Variants in DSCAML1 observed in about 807,000 individuals in gnomAD.
The protein encoded by DSCAML1 is cell adhesion molecule DSCAML1.
DSCAML1 carries 38 observed loss-of-function variants against 200.5 expected under a neutral mutation model. That is an observed-to-expected ratio of 0.19 (90% CI 0.15 to 0.25). DSCAML1 has a LOEUF of 0.25. DSCAML1 is among the 10% of genes least tolerant of loss of function. The probability of loss-of-function intolerance (pLI) is 1.00; values close to 1 mark genes in which losing one functional copy is unlikely to be tolerated. For synonymous variants in DSCAML1, 1,215 were observed against 1,165.0 expected (o/e 1.04, Z -0.87); for missense variants, 2,223 against 2,858.8 (o/e 0.78, Z 5.07).
chr11:117,659,196 CTTAAT>C (rs781112693), intron 3 of DSCAML1, among the ~76,000 whole-genome samples: 75 of 152,296 alleles, frequency 4.9e-4, no homozygotes, highest in South Asian at 2.1e-3. Flanking sequence ...TTCTTTTGTG[CTTAAT>C]TTATTTTCCC....
In DSCAML1 at chr11:117,502,537, A is replaced by C. The variant is rs1592672217; in HGVS notation, c.2359+1308T>G. On this transcript the variant is annotated intron_variant, in intron 11 of 32. Coordinates refer to ENST00000651296, the MANE Select transcript of DSCAML1 (RefSeq NM_020693.4). ...CCCCAGGGCGGGGATTCCGGCTCGGAGCTCCCTGAGCATCGATCGCTGGGG... is the reference window on the plus strand; with the variant it reads ...CCCCAGGGCGGGGATTCCGGCTCGGCGCTCCCTGAGCATCGATCGCTGGGG... Among the ~76,000 whole-genome samples, 3 of 152,222 alleles carry C rather than the reference A, an allele frequency of 2.0e-5. No individual in the cohort carries two copies. In the South Asian group the frequency reaches 6.2e-4, roughly 32 times the overall value.
intron 3 of DSCAML1, among the ~76,000 whole-genome samples, chr11:117,716,233 A>G (rs1031545227): frequency 3.9e-5 from 6 of 152,198 alleles, no homozygotes; most frequent in Non-Finnish European, 7.3e-5. Context: ...GATAAAGTGA[A>G]AGGATCTGTC....
chr11:117,546,304 C>T (rs544330461), intron 3 of DSCAML1, among the ~76,000 whole-genome samples: 38 of 152,306 alleles, frequency 2.5e-4, no homozygotes, highest in African/African-American at 6.7e-4. Context: ...AGCTGGATGA[C>T]GCCACGTGAG....
chr11:117,562,313 T>C (rs1266798885), intron 3 of DSCAML1, among the ~76,000 whole-genome samples: 1 of 152,122 alleles, frequency 6.6e-6, no homozygotes, highest in Non-Finnish European at 1.5e-5. Context: ...GCTGCTCCCA[T>C]ACACACAACA....
chr11:117,458,676 C>A, intron 19 of DSCAML1, 78 bp downstream of exon 19: 11 of 1,554,724 alleles, frequency 7.1e-6, no homozygotes, highest in African/African-American at 1.4e-5. Flanking sequence ...CCTGCTCTCA[C>A]CCTGCCTCCT....
chr11:117,470,244 T>C (rs921582243), intron 15 of DSCAML1, among the ~76,000 whole-genome samples: 1 of 152,152 alleles, frequency 6.6e-6, no homozygotes, highest in Non-Finnish European at 1.5e-5. Context: ...ATGGCAAAAG[T>C]TTTTAAAAGT....
chr11:117,430,563 T>C (rs2047765656), intron 32 of DSCAML1, among the ~76,000 whole-genome samples, 159 bp downstream of exon 32: 1 of 152,224 alleles, frequency 6.6e-6, no homozygotes, highest in Admixed American at 6.5e-5. Context: ...CTGATCTGCC[T>C]GCTCCTAAGT....
At chr11:117,617,192 A>C (rs557099400) in intron 3 of DSCAML1, among the ~76,000 whole-genome samples, 2 of 152,212 alleles carry the variant, frequency 1.3e-5, no homozygotes, top group African/African-American at 4.8e-5. Flanking sequence ...GGGGTTGGGG[A>C]GCTGGTGTTT....
intron 1 of DSCAML1, among the ~76,000 whole-genome samples, chr11:117,786,652 G>T (rs1017882499): frequency 6.6e-6 from 1 of 152,126 alleles, no homozygotes; most frequent in African/African-American, 2.4e-5. Context: ...GCTCTGAGGT[G>T]TACACTGAAT....
rs372805052 is a variant in DSCAML1, at chr11:117,530,476, C to T, written c.658+1900G>A. Among the ~76,000 whole-genome samples, 40 of 152,270 alleles carry T rather than the reference C, an allele frequency of 2.6e-4. No individual in the cohort carries two copies. In the East Asian group the frequency reaches 5.6e-3, roughly 21 times the overall value. On this transcript the variant is annotated intron_variant, in intron 4 of 32. Transcript: ENST00000651296. ...TTGGGCTGCAGATTCCAAAGTCAAG[C>T]CACAAAGATGGGGCTGCACGGAGCA...
intron 3 of DSCAML1, among the ~76,000 whole-genome samples, chr11:117,689,063 T>C (rs1367765893): frequency 6.6e-6 from 1 of 152,084 alleles, no homozygotes; most frequent in East Asian, 1.9e-4. Flanking sequence ...CCCCTCATCT[T>C]CCCAGGGGCT....
At position 117,549,150 on chromosome 11, in the gene DSCAML1, T is replaced by G. The variant is rs370600020; in HGVS notation, c.512-16628A>C. The stretch of plus-strand genomic sequence containing the variant: ...CATCACCACCTTCCCACTCCGGGGG[T>G]CTACCTGCCTCAGAGGCCTCCAATG... On this transcript the variant is annotated intron_variant, in intron 3 of 32. Transcript: ENST00000651296. Among the ~76,000 whole-genome samples the G allele has an allele frequency of 4.6e-5, 7 of 151,964 alleles. No homozygotes were observed. The South Asian group carries it at 1.5e-3, about 32-fold the overall frequency.
At chr11:117,733,078 G>C (rs1289877089) in intron 3 of DSCAML1, among the ~76,000 whole-genome samples, 2 of 152,136 alleles carry the variant, frequency 1.3e-5, no homozygotes, top group African/African-American at 4.8e-5. Context: ...TGAACTGGCA[G>C]GAGAGGAGGA....
At chr11:117,630,903 T>C (rs1442782278) in intron 3 of DSCAML1, among the ~76,000 whole-genome samples, 4 of 152,182 alleles carry the variant, frequency 2.6e-5, no homozygotes, top group Non-Finnish European at 5.9e-5. Context: ...GAACTCTCTG[T>C]GCCTTCGTTT....
intron 3 of DSCAML1, among the ~76,000 whole-genome samples, chr11:117,760,004 T>A (rs1198672099): frequency 1.3e-5 from 2 of 152,098 alleles, no homozygotes; most frequent in Non-Finnish European, 2.9e-5. Flanking sequence ...ACCTGACCCC[T>A]CCCATCTCCA....
rs113478856 is a variant in DSCAML1, at chr11:117,504,997, G to A, written c.2109C>T (p.Tyr703=). The change falls in exon 10 of 33, where the codon TAC becomes TAT. Residue 703 remains tyrosine, a synonymous_variant. Transcript: ENST00000651296. This position sits in a 1 kb window ranked among gnomAD's most constrained non-coding sequence, Gnocchi z 5.0. ...VVQPNNQDGI[Y]GKAGVLNCSV... ...AGCAGTTGAGCACACCAGCTTTGCCGTAGATGCCATCCTGGTTGTTGGGTT... is the reference window on the plus strand; with the variant it reads ...AGCAGTTGAGCACACCAGCTTTGCCATAGATGCCATCCTGGTTGTTGGGTT... The A allele has an allele frequency of 2.8e-5, 45 of 1,612,894 alleles. 1 individual carries two copies. In the African/African-American group the frequency reaches 2.9e-4, roughly 11 times the overall value.
Position 117,427,911 on chromosome 11 carries a change from T to G in DSCAML1, c.*417A>C. The G allele has an allele frequency of 6.4e-6, 1 of 156,662 alleles. No homozygotes were observed. The highest frequency in any genetic ancestry group is 1.4e-5 in the Non-Finnish European group (1 of 70,924). The allele number at this position is 156,662 out of a possible 1,614,324, so 9.7% of individuals were successfully genotyped here. A position where few individuals can be genotyped will look rare whatever the true frequency, so the allele number is the denominator to read the frequency against. On this transcript the variant is annotated 3_prime_UTR_variant, in exon 33 of 33. Coordinates refer to ENST00000651296, the MANE Select transcript of DSCAML1 (RefSeq NM_020693.4). ...CGCATGCAGTGTCTCTGAGTTGGGA[T>G]TTTGGTCTTTGTCAAAACCACCTAG...
intron 11 of DSCAML1, among the ~76,000 whole-genome samples, chr11:117,486,236 G>T (rs2049049078): frequency 8.6e-6 from 1 of 116,406 alleles, no homozygotes; most frequent in Admixed American, 8.0e-5. Context: ...GAAAGTGGCG[G>T]ATGGGAAAGT....
At chr11:117,496,479 T>G (rs992913835) in intron 11 of DSCAML1, among the ~76,000 whole-genome samples, 1 of 152,182 alleles carries the variant, frequency 6.6e-6, no homozygotes, top group Non-Finnish European at 1.5e-5. Context: ...TTCTTATCTA[T>G]TAAGTAGAGC....
Sources: gnomAD v4.1 joint callset for allele counts (sites outside exome capture counted in the v4.1 genomes callset) on GRCh38, gnomAD v4.1.1 for gene constraint, Gnocchi (gnomAD v3.1) non-coding constraint, MANE v1.5 for transcripts, NCBI Gene and HGNC (gene_info 2026-07-23, HGNC 2026-07-21) for gene names.